Variants in PTBP3 observed in about 807,000 individuals in gnomAD.
PTBP3 encodes the protein polypyrimidine tract binding protein 3, also known as polypyrimidine tract-binding protein 3.
Under a neutral mutation model 58.7 loss-of-function variants are expected in PTBP3, and 20 were observed. The ratio of observed to expected loss-of-function variants is 0.34; its 90% confidence interval spans 0.24 to 0.50. The LOEUF is 0.50. PTBP3 is among the 20% of genes least tolerant of loss of function. The probability of loss-of-function intolerance (pLI) is 0.98; values close to 1 mark genes in which losing one functional copy is unlikely to be tolerated. For missense variants in PTBP3, 509 were observed against 637.2 expected (o/e 0.80, Z 2.17); for synonymous variants, 185 against 219.8 (o/e 0.84, Z 1.40).
At chr9:112,328,407 GCTTAT>G (rs1360667128) in intron 1 of PTBP3, among the ~76,000 whole-genome samples, 1 of 152,196 alleles carries the variant, frequency 6.6e-6, no homozygotes. Flanking sequence ...CAACTAATAA[GCTTAT>G]CTTCTCTTCA....
At chr9:112,250,158 A>G (rs1836049324) in intron 7 of PTBP3, among the ~76,000 whole-genome samples, 1 of 152,142 alleles carries the variant, frequency 6.6e-6, no homozygotes, top group Admixed American at 6.5e-5. Context: ...AAACATGATG[A>G]ACTAAATACT....
Position 112,327,011 on chromosome 9 carries a change from G to A in PTBP3, c.-52+6459C>T, listed in dbSNP as rs143059083. On this transcript the variant is annotated intron_variant, in intron 1 of 13. Coordinates refer to ENST00000374257, the MANE Select transcript of PTBP3 (RefSeq NM_001163788.4). ...GGCAGGAGAATCACTTGAGGCCAGG[G>A]GTTCAACACCAGCCTGGACAACATG... 1.5e-3 allele frequency among the ~76,000 whole-genome samples: 230 copies of A among 151,448 alleles called. 1 individual carries two copies. The highest frequency in any genetic ancestry group is 4.8e-3 in the South Asian group (23 of 4,802).
chr9:112,257,972 A>T, intron 5 of PTBP3, among the ~76,000 whole-genome samples: 1 of 150,538 alleles, frequency 6.6e-6, no homozygotes, highest in East Asian at 1.9e-4. Flanking sequence ...AAGTGTATTC[A>T]CATTAGAATT....
intron 1 of PTBP3, among the ~76,000 whole-genome samples, chr9:112,312,488 G>GTTT (rs11384712): frequency 4.3e-4 from 33 of 75,912 alleles, no homozygotes; most frequent in East Asian, 7.1e-4. Flanking sequence ...TTTTTTTTTT[G>GTTT]TTTTTTTTTT....
At chr9:112,247,364 C>T (rs533942655) in intron 7 of PTBP3, among the ~76,000 whole-genome samples, 4 of 151,778 alleles carry the variant, frequency 2.6e-5, no homozygotes, top group Admixed American at 6.6e-5. Context: ...TTAAATGACT[C>T]GAAAGAGACA....
At chr9:112,333,328 C>G (rs1855099580) in intron 1 of PTBP3, 142 bp downstream of exon 1, 1 of 1,078,328 alleles carries the variant, frequency 9.3e-7, no homozygotes, top group African/African-American at 1.7e-5. Context: ...GCCCGGAAGC[C>G]CCGCCGTCGG....
At chr9:112,279,128 G>A (rs1283402953) in intron 2 of PTBP3, among the ~76,000 whole-genome samples, 2 of 152,118 alleles carry the variant, frequency 1.3e-5, no homozygotes, top group Admixed American at 6.5e-5. Flanking sequence ...ATCTGAAGAT[G>A]AAGAATGTAT....
chr9:112,324,368 G>C (rs904593054), intron 1 of PTBP3, among the ~76,000 whole-genome samples: 22 of 152,296 alleles, frequency 1.4e-4, no homozygotes, highest in Admixed American at 1.1e-3. Context: ...TATGTATGTT[G>C]AGGGCCTGGT....
At chr9:112,241,807 C>T (rs556993645) in intron 7 of PTBP3, among the ~76,000 whole-genome samples, 3 of 152,284 alleles carry the variant, frequency 2.0e-5, no homozygotes, top group South Asian at 4.1e-4. Context: ...CTGCAATCTC[C>T]CTCTCTCCAA....
intron 1 of PTBP3, among the ~76,000 whole-genome samples, chr9:112,308,129 C>A (rs1829310461): frequency 1.3e-5 from 2 of 152,162 alleles, no homozygotes; most frequent in Admixed American, 6.5e-5. Flanking sequence ...GGGCTCAAGC[C>A]ATCCTCCTGC....
chr9:112,232,001 G>A (rs3983403), intron 9 of PTBP3, 98 bp downstream of exon 9: 126,637 of 411,156 alleles, frequency 0.31, 28,189 homozygotes, highest in African/African-American at 0.47. Flanking sequence ...GAAGAGAAGA[G>A]AAGAGAAGAG....
chr9:112,221,266 T>TAC lies in PTBP3; in HGVS notation c.*2583_*2584dup, dbSNP rs922133361. On this transcript the variant is annotated 3_prime_UTR_variant, in exon 14 of 14. Coordinates refer to ENST00000374257, the MANE Select transcript of PTBP3 (RefSeq NM_001163788.4). Reference sequence around the variant, plus strand: ...GTGTATTTATGTATATACACTTATCTACACACACACACATTCACACACACA... The same window carrying TAC: ...GTGTATTTATGTATATACACTTATCTACACACACACACACATTCACACACACA... 24 of 984,138 alleles carry TAC rather than the reference T, an allele frequency of 2.4e-5. No individual in the cohort carries two copies. Among genetic ancestry groups the TAC allele is most frequent in the Middle Eastern group, 5.2e-4 (1 of 1,932 alleles). 61.0% of individuals were successfully genotyped at this position (984,138 alleles called of 1,614,324 possible).
chr9:112,347,990 C>T, the PTBP3 span, among the ~76,000 whole-genome samples: 9 of 152,190 alleles, frequency 5.9e-5, no homozygotes, highest in Admixed American at 3.9e-4. Flanking sequence ...TCAGCACTGA[C>T]GTAGGTTCCA....
chr9:112,301,475 A>C, intron 1 of PTBP3, among the ~76,000 whole-genome samples: 1 of 152,264 alleles, frequency 6.6e-6, no homozygotes, highest in South Asian at 2.1e-4. Context: ...AAACAAACAA[A>C]AAAACTAAAC....
chr9:112,300,500 C>T (rs1302520765), intron 1 of PTBP3, among the ~76,000 whole-genome samples: 1 of 152,210 alleles, frequency 6.6e-6, no homozygotes, highest in Non-Finnish European at 1.5e-5. Flanking sequence ...CGCCTGTAAT[C>T]CCAGCACTTT....
the PTBP3 span, among the ~76,000 whole-genome samples, chr9:112,342,732 G>A: frequency 5.3e-5 from 8 of 151,594 alleles, no homozygotes; most frequent in Non-Finnish European, 1.2e-4. Flanking sequence ...GAAAAACAAA[G>A]AAGAAGAAGA....
intron 1 of PTBP3, among the ~76,000 whole-genome samples, chr9:112,305,260 C>CTTTTTT (rs35187927): frequency 7.7e-6 from 1 of 130,162 alleles, no homozygotes. Context: ...CCTGAAAGGA[C>CTTTTTT]TTTTTTTTTT....
intron 7 of PTBP3, among the ~76,000 whole-genome samples, chr9:112,245,630 T>C (rs139753599): frequency 0.011 from 1,718 of 152,302 alleles, 37 homozygotes; most frequent in African/African-American, 0.039. Context: ...GATTTTTAAA[T>C]ACCATTTTCC....
intron 7 of PTBP3, among the ~76,000 whole-genome samples, chr9:112,240,095 G>A (rs1835596405): frequency 6.6e-6 from 1 of 151,696 alleles, no homozygotes; most frequent in Non-Finnish European, 1.5e-5. Flanking sequence ...TGAAGTAGGG[G>A]AGCACAAAAA....
Sources: allele counts gnomAD v4.1 joint callset (sites outside exome capture counted in the v4.1 genomes callset), GRCh38; gene constraint gnomAD v4.1.1; transcripts MANE v1.5; gene names NCBI Gene and HGNC (gene_info 2026-07-23, HGNC 2026-07-21).